The following SH2B2 variants were observed in gnomAD, a reference collection of about 807,000 sequenced individuals.
The protein encoded by SH2B2 is SH2B adaptor protein 2, also known as SH2B adapter protein 2.
Under a neutral mutation model 35.7 loss-of-function variants are expected in SH2B2, and 37 were observed. The observed-to-expected ratio is 1.04, with a 90% CI of 0.80 to 1.36. The LOEUF is 1.36. Among genes scored for constraint, SH2B2 ranks in the 40% most tolerant of loss-of-function variants. The pLI, the probability that SH2B2 is intolerant of heterozygous loss-of-function variation, is 0.00. For synonymous variants in SH2B2, 383 were observed against 376.4 expected, an observed-to-expected ratio of 1.02 and a Z score of -0.20; for missense variants, 852 against 817.7, an observed-to-expected ratio of 1.04 and a Z score of -0.51.
chr7:102,309,637 C>G (rs782264512), intron 4 of SH2B2: 5 of 204,788 alleles, frequency 2.4e-5, no homozygotes, highest in South Asian at 1.1e-4. Flanking sequence ...CTGGGATTAC[C>G]GGCATGAGCC....
chr7:102,314,527 GCC>G lies in SH2B2; in HGVS notation c.1036_1037del (p.Pro346ArgfsTer45). ...ACTTCCCCAGCAGTCGACCTGCCCC[GCC>G]CCCCAGAGACGACAGCCGTGGGTGC... On this transcript the variant is annotated frameshift_variant, in exon 6 of 9. Transcript: ENST00000444095. LOFTEE classifies it high-confidence loss of function. The G allele has an allele frequency of 2.5e-6, 1 of 398,666 alleles. No individual in the cohort carries two copies. The highest frequency in any genetic ancestry group is 4.4e-6 in the Non-Finnish European group (1 of 226,216). The allele number at this position is 398,666 out of a possible 1,614,324, so 24.7% of individuals were successfully genotyped here.
rs186764965 is a variant in SH2B2, at chr7:102,294,375, G to C, written c.-29-6147G>C. On this transcript the variant is annotated intron_variant, in intron 1 of 8. Transcript: ENST00000444095. ...CTAAAGGGAGGGGAGATGTTGAATA[G>C]TCGGAAGAGCAAAGTCCCTAGAGAG... is the stretch of plus-strand genomic sequence containing the variant. Among the ~76,000 whole-genome samples, 38 of 152,300 alleles carry C rather than the reference G, an allele frequency of 2.5e-4. 1 individual carries two copies. In the East Asian group the frequency reaches 7.1e-3, roughly 29 times the overall value.
At chr7:102,312,204 T>G (rs372410092) in intron 4 of SH2B2, among the ~76,000 whole-genome samples, 1 of 151,810 alleles carries the variant, frequency 6.6e-6, no homozygotes, top group Admixed American at 6.6e-5. Context: ...AAACCTCATC[T>G]CTACTAAAAA....
intron 7 of SH2B2, among the ~76,000 whole-genome samples, chr7:102,317,713 C>T (rs562274968): frequency 6.6e-6 from 1 of 152,304 alleles, no homozygotes; most frequent in South Asian, 2.1e-4. Flanking sequence ...AGCTCCTGCG[C>T]GCGGGGGATC....
chr7:102,316,708 A>G (rs1586603142), intron 6 of SH2B2, among the ~76,000 whole-genome samples: 1 of 152,100 alleles, frequency 6.6e-6, no homozygotes, highest in African/African-American at 2.4e-5. Flanking sequence ...GAACACAGCA[A>G]GACTCCATCT....
intron 1 of SH2B2, among the ~76,000 whole-genome samples, chr7:102,296,840 A>G (rs1792937492): frequency 6.6e-6 from 1 of 152,292 alleles, no homozygotes; most frequent in East Asian, 1.9e-4. Flanking sequence ...TTAGCCAGGC[A>G]TGGTAGCTCT....
chr7:102,305,150 G>A lies in SH2B2; in HGVS notation c.730-1571G>A, dbSNP rs149868033. 3.1e-4 allele frequency among the ~76,000 whole-genome samples: 48 copies of A among 152,382 alleles called. No homozygotes were observed. In the East Asian group the frequency reaches 9.2e-3, roughly 29 times the overall value. Reference sequence around the variant, plus strand: ...TCCAGGAAACAGTGAGCCCCGTTCTGAGTCGGGGGCTCCAGGCCCTGCTCT... The same window carrying A: ...TCCAGGAAACAGTGAGCCCCGTTCTAAGTCGGGGGCTCCAGGCCCTGCTCT... On this transcript the variant is annotated intron_variant, in intron 2 of 8. Coordinates refer to ENST00000444095, the MANE Select transcript of SH2B2 (RefSeq NM_001359228.2).
At chr7:102,310,847 T>C (rs904257260) in intron 4 of SH2B2, among the ~76,000 whole-genome samples, 1 of 152,088 alleles carries the variant, frequency 6.6e-6, no homozygotes, top group Non-Finnish European at 1.5e-5. Context: ...AGACACCTCA[T>C]GTCACAAATC....
At chr7:102,287,391 C>G (rs966596174) in intron 1 of SH2B2, among the ~76,000 whole-genome samples, 3 of 152,262 alleles carry the variant, frequency 2.0e-5, no homozygotes, top group Admixed American at 1.3e-4. Context: ...GCTAGGGCCC[C>G]GGCCGGGTAG....
Position 102,321,655 on chromosome 7 carries a change from A to C in SH2B2, c.*25A>C. ...GCCCGCGGCGCCGCCCGGGTGGGAC[A>C]CGCCAAGCTCTTCAGTGAAGACACG... On this transcript the variant is annotated 3_prime_UTR_variant, in exon 9 of 9. Transcript: ENST00000444095. 1 of 1,124,346 alleles carries C rather than the reference A, an allele frequency of 8.9e-7. No individual in the cohort carries two copies. The highest frequency in any genetic ancestry group is 4.6e-5 in the East Asian group (1 of 21,756). The allele number at this position is 1,124,346 out of a possible 1,614,324, so 69.6% of individuals were successfully genotyped here.
intron 8 of SH2B2, 79 bp from the exon 9 acceptor site, chr7:102,321,220 C>T: frequency 2.5e-6 from 3 of 1,202,806 alleles, no homozygotes; most frequent in Non-Finnish European, 3.2e-6. Flanking sequence ...GGGCCCTGGC[C>T]CCTTGAGGGA....
chr7:102,317,294 C>T lies in SH2B2; in HGVS notation c.1294C>T (p.Leu432=). ...CCGGGTCAAGGCTGCTCAACTGGTT[C>T]TGGCAGGGGGGCCCCGGAACCACGG... ...LSRVKAAQLV[L]AGGPRNHGLF... is the part of the protein sequence containing the mutation. The change falls in exon 7 of 9, where the codon CTG becomes TTG. Residue 432 remains leucine, a synonymous_variant. Coordinates refer to ENST00000444095, the MANE Select transcript of SH2B2 (RefSeq NM_001359228.2). 6.2e-7 allele frequency: 1 copy of T among 1,613,682 alleles called. No homozygotes were observed. Among genetic ancestry groups the T allele is most frequent in the African/African-American group, 1.3e-5 (1 of 75,066 alleles).
chr7:102,321,513 C>T lies in SH2B2; in HGVS notation c.1782C>T (p.Ser594=). Residue 594 remains serine, a synonymous_variant, in exon 9 of 9, where the codon AGC becomes AGT. Coordinates refer to ENST00000444095, the MANE Select transcript of SH2B2 (RefSeq NM_001359228.2). ...TCGAGGGCCAGCTCAGCGCGCGGAG[C>T]CGCAGCAACAGCGCCGAGCGCCTGC... is the stretch of plus-strand genomic sequence containing the variant. ...RPVEGQLSAR[S]RSNSAERLLE... is the part of the protein sequence containing the mutation. 2 of 1,148,746 alleles carry T rather than the reference C, an allele frequency of 1.7e-6. No individual in the cohort carries two copies. The highest frequency in any genetic ancestry group is 1.1e-6 in the Non-Finnish European group (1 of 934,446). 71.2% of individuals were successfully genotyped at this position (1,148,746 alleles called of 1,614,324 possible). A position where few individuals can be genotyped will look rare whatever the true frequency, so the allele number is the denominator to read the frequency against.
At chr7:102,301,909 A>G (rs1793211659) in intron 2 of SH2B2, among the ~76,000 whole-genome samples, 1 of 152,106 alleles carries the variant, frequency 6.6e-6, no homozygotes, top group Non-Finnish European at 1.5e-5. Flanking sequence ...GCCGTCACTC[A>G]GGCTGGAATG....
intron 6 of SH2B2, among the ~76,000 whole-genome samples, chr7:102,315,744 G>GAAAAGAA (rs113140098): frequency 1.1e-5 from 1 of 90,588 alleles, no homozygotes; most frequent in Non-Finnish European, 1.9e-5. Flanking sequence ...CCTGTGAAAA[G>GAAAAGAA]AAAAAAAAAA....
intron 1 of SH2B2, among the ~76,000 whole-genome samples, chr7:102,288,894 C>G (rs1792562006): frequency 1.3e-5 from 2 of 152,222 alleles, no homozygotes; most frequent in South Asian, 4.1e-4. Flanking sequence ...CCCTGCCTAC[C>G]CAGCCTGGGT....
At chr7:102,320,278 C>T (rs1299317287) in intron 7 of SH2B2, 53 bp from the exon 8 acceptor site, 1 of 1,464,006 alleles carries the variant, frequency 6.8e-7, no homozygotes, top group East Asian at 2.3e-5. Context: ...AAGGCGCTTA[C>T]CCAGGTGCCC....
chr7:102,308,851 G>A lies in SH2B2; in HGVS notation c.868G>A (p.Asp290Asn). 1.2e-6 allele frequency: 2 copies of A among 1,613,642 alleles called. No individual in the cohort carries two copies. Among genetic ancestry groups the A allele is most frequent in the Non-Finnish European group, 8.5e-7 (1 of 1,179,866 alleles). The part of the protein sequence containing the change: ...NGAEYILETI[D>N]SLQKHSWVAD... ...AGCCGAATACATCTTGGAGACCATC[G>A]ACTCTCTGCAGAAGCACTCGTGGGT... Residue 290 changes from aspartate (D) to asparagine (N), a missense_variant, in exon 4 of 9, where the codon GAC becomes AAC. Coordinates refer to ENST00000444095, the MANE Select transcript of SH2B2 (RefSeq NM_001359228.2).
chr7:102,306,009 C>T (rs1793382709), intron 2 of SH2B2, among the ~76,000 whole-genome samples: 1 of 151,596 alleles, frequency 6.6e-6, no homozygotes. Context: ...GCGATCCTTC[C>T]ACCTTAGCCT....
Sources: gnomAD v4.1 joint callset for allele counts (sites outside exome capture counted in the v4.1 genomes callset) on GRCh38, gnomAD v4.1.1 for gene constraint, MANE v1.5 for transcripts, NCBI Gene and HGNC (gene_info 2026-07-23, HGNC 2026-07-21) for gene names.